Variants in PAG1 observed in about 807,000 individuals in gnomAD.
The protein encoded by PAG1 is phosphoprotein associated with glycosphingolipid-enriched microdomains 1.
PAG1 carries 23 observed loss-of-function variants against 31.7 expected under a neutral mutation model. That is an observed-to-expected ratio of 0.73 (90% CI 0.52 to 1.03). PAG1 has a LOEUF of 1.03. Ranked by LOEUF, PAG1 falls within the 50% of genes least tolerant of loss-of-function variation. The probability of loss-of-function intolerance (pLI) is 0.00; values close to 1 mark genes in which losing one functional copy is unlikely to be tolerated. For synonymous variants in PAG1, 214 were observed against 210.3 expected (o/e 1.02, Z -0.15); for missense variants, 473 against 540.7 (o/e 0.87, Z 1.24).
At chr8:81,064,561 C>A (rs1468723419) in intron 2 of PAG1, among the ~76,000 whole-genome samples, 2 of 152,194 alleles carry the variant, frequency 1.3e-5, no homozygotes, top group Non-Finnish European at 2.9e-5. Flanking sequence ...CCTTGAAGGA[C>A]TTGACTAAAG....
rs555193119 is a variant in PAG1, at chr8:80,990,197, C to T, written c.177+1282G>A. ...TGGTGATGAGGGCCCAGGAAAGCTG[C>T]GAAGGGTGAGGTGGGCATGTGGATG... On this transcript the variant is annotated intron_variant, in intron 5 of 8. Transcript: ENST00000220597. The surrounding 1 kb of genome is among the most constrained non-coding windows in gnomAD (Gnocchi z 5.1). 3.9e-5 allele frequency among the ~76,000 whole-genome samples: 6 copies of T among 151,956 alleles called. No homozygotes were observed. The South Asian group carries it at 1.0e-3, about 26-fold the overall frequency.
chr8:81,032,554 T>C (rs1808393634), intron 2 of PAG1, among the ~76,000 whole-genome samples: 1 of 152,148 alleles, frequency 6.6e-6, no homozygotes, highest in Non-Finnish European at 1.5e-5. Flanking sequence ...TTGGCCATAA[T>C]AAACACGTCT....
At chr8:81,091,894 G>A (rs1032635836) in intron 1 of PAG1, among the ~76,000 whole-genome samples, 1 of 151,482 alleles carries the variant, frequency 6.6e-6, no homozygotes, top group African/African-American at 2.4e-5. Context: ...AAATCTTTTG[G>A]AAGGGTGAGG....
At chr8:80,982,409 C>T (rs1323053699) in intron 7 of PAG1, among the ~76,000 whole-genome samples, 1 of 152,136 alleles carries the variant, frequency 6.6e-6, no homozygotes, top group Non-Finnish European at 1.5e-5. Context: ...TCCAGGACTC[C>T]ACAACTTTCC....
At chr8:81,051,933 G>A (rs7819846) in intron 2 of PAG1, among the ~76,000 whole-genome samples, 43,286 of 151,498 alleles carry the variant, frequency 0.29, 8,230 homozygotes, top group African/African-American at 0.54. Flanking sequence ...GATCGAGACC[G>A]TCCTGGCTAA....
intron 2 of PAG1, chr8:81,067,339 AAAACACACACACAC>A (rs1263388252): frequency 6.6e-6 from 1 of 152,204 alleles, no homozygotes; most frequent in African/African-American, 2.4e-5. Context: ...TATAGTTCAG[AAAACACACACACAC>A]AATAAACACA....
At chr8:81,074,101 T>G (rs182333791) in intron 1 of PAG1, among the ~76,000 whole-genome samples, 1 of 151,874 alleles carries the variant, frequency 6.6e-6, no homozygotes, top group Non-Finnish European at 1.5e-5. Context: ...AGAATGAGGA[T>G]GGAGAGGGAG....
intron 5 of PAG1, among the ~76,000 whole-genome samples, chr8:80,989,313 G>A (rs916373530): frequency 6.6e-6 from 1 of 152,136 alleles, no homozygotes; most frequent in African/African-American, 2.4e-5. Context: ...ATGGGTGTGG[G>A]GAAGGAAGAC....
intron 2 of PAG1, among the ~76,000 whole-genome samples, chr8:81,064,052 G>T (rs898870486): frequency 6.6e-6 from 1 of 151,842 alleles, no homozygotes; most frequent in Non-Finnish European, 1.5e-5. Flanking sequence ...CTGTTAATAA[G>T]AAGTCAACAT....
In PAG1 at chr8:81,003,220, T is replaced by C. The variant is rs574897863; in HGVS notation, c.-80-9913A>G. 6.6e-5 allele frequency among the ~76,000 whole-genome samples: 10 copies of C among 152,314 alleles called. No individual in the cohort carries two copies. In the South Asian group the frequency reaches 2.1e-3, roughly 32 times the overall value. ...AGAAGCACTGTTCTAGAAGAGCTGC[T>C]AGATGTATATATGGTGATCTGGGAT... On this transcript the variant is annotated intron_variant, in intron 3 of 8. Coordinates refer to ENST00000220597, the MANE Select transcript of PAG1 (RefSeq NM_018440.4).
At chr8:81,059,342 A>T (rs1230590131) in intron 2 of PAG1, among the ~76,000 whole-genome samples, 1 of 151,696 alleles carries the variant, frequency 6.6e-6, no homozygotes, top group Non-Finnish European at 1.5e-5. Context: ...GAACCCAGAG[A>T]TACAGAGGGC....
chr8:81,076,617 A>G (rs1312488852), intron 1 of PAG1, among the ~76,000 whole-genome samples: 1 of 152,214 alleles, frequency 6.6e-6, no homozygotes, highest in Non-Finnish European at 1.5e-5. Flanking sequence ...CTATCTGCAA[A>G]ACAGAAAGAG....
intron 1 of PAG1, among the ~76,000 whole-genome samples, chr8:81,084,133 T>G (rs903870710): frequency 6.6e-6 from 1 of 152,102 alleles, no homozygotes; most frequent in Non-Finnish European, 1.5e-5. Flanking sequence ...GGTTTTGAGG[T>G]CTATAGATAT....
In PAG1 at chr8:80,974,339, T is replaced by C. The variant is rs1208835171; in HGVS notation, c.*2205A>G. The stretch of plus-strand genomic sequence containing the variant: ...TACCATGTACTAAAGAACCCCATCA[T>C]GTGAGAGATCGCTCAAAGTCATTAA... On this transcript the variant is annotated 3_prime_UTR_variant, in exon 9 of 9. Transcript: ENST00000220597. 6.6e-6 allele frequency: 1 copy of C among 152,170 alleles called. No homozygotes were observed. The highest frequency in any genetic ancestry group is 2.4e-5 in the African/African-American group (1 of 41,448). 9.4% of individuals were successfully genotyped at this position (152,170 alleles called of 1,614,324 possible).
rs774059268 is a variant in PAG1, at chr8:80,976,734, T to C, written c.1109A>G (p.Asn370Ser). 6.6e-5 allele frequency: 107 copies of C among 1,614,008 alleles called. No homozygotes were observed. The highest frequency in any genetic ancestry group is 1.9e-5 in the Non-Finnish European group (22 of 1,179,990). ...CCTCCCTGCTGGTGGAAGTGTGCTG[T>C]TTGGAGTTTTTTCGAAGTCTTTAAC... is the stretch of plus-strand genomic sequence containing the variant. ...ATVKDFEKTPNSTLPPAGRPS... is the reference protein window; with the variant it reads ...ATVKDFEKTPSSTLPPAGRPS... Residue 370 changes from asparagine to serine, a missense_variant, in exon 9 of 9, where the codon AAC becomes AGC. By Grantham distance (46) the Asn-to-Ser change is conservative. Coordinates refer to ENST00000220597, the MANE Select transcript of PAG1 (RefSeq NM_018440.4).
chr8:81,029,376 A>G (rs1260618873), intron 3 of PAG1, among the ~76,000 whole-genome samples: 1 of 151,518 alleles, frequency 6.6e-6, no homozygotes, highest in Non-Finnish European at 1.5e-5. Flanking sequence ...ACACACACAC[A>G]CACACACACA....
At chr8:81,065,847 CATAT>C (rs1367171245) in intron 2 of PAG1, among the ~76,000 whole-genome samples, 1 of 149,452 alleles carries the variant, frequency 6.7e-6, no homozygotes, top group African/African-American at 2.5e-5. Flanking sequence ...TTATATATAT[CATAT>C]ATATATCATA....
At chr8:80,978,770 C>A (rs371361954) in intron 8 of PAG1, among the ~76,000 whole-genome samples, 39 of 152,322 alleles carry the variant, frequency 2.6e-4, no homozygotes, top group African/African-American at 8.7e-4. Context: ...TTCTCATATT[C>A]CTTTTGACTG....
In PAG1 at chr8:80,993,317, G is replaced by T; in HGVS notation, c.-80-10C>A. ...GGCAGAGAGCTGTGTCCTGCAAAGA[G>T]ACCAGTGCGTTTGGAGAGTAATTCT... On this transcript the variant is annotated splice_polypyrimidine_tract_variant and intron_variant, in intron 3 of 8. Transcript: ENST00000220597. 7.6e-7 allele frequency: 1 copy of T among 1,324,120 alleles called. No individual in the cohort carries two copies. Among genetic ancestry groups the T allele is most frequent in the South Asian group, 1.5e-5 (1 of 68,458 alleles). The allele number at this position is 1,324,120 out of a possible 1,614,324, so 82.0% of individuals were successfully genotyped here. A position where few individuals can be genotyped will look rare whatever the true frequency, so the allele number is the denominator to read the frequency against.
Sources: gnomAD v4.1 joint callset for allele counts (sites outside exome capture counted in the v4.1 genomes callset) on GRCh38, gnomAD v4.1.1 for gene constraint, Gnocchi (gnomAD v3.1) non-coding constraint, MANE v1.5 for transcripts, NCBI Gene and HGNC (gene_info 2026-07-23, HGNC 2026-07-21) for gene names.